Variants in ZNF430 observed in about 807,000 individuals in gnomAD.
ZNF430 encodes the protein zinc finger protein 430.
In ZNF430, 35 loss-of-function variants were observed where a neutral mutation model predicts 56.7. The ratio of observed to expected loss-of-function variants is 0.62; its 90% CI spans 0.47 to 0.82. The LOEUF is 0.82. ZNF430 is among the 40% of genes least tolerant of loss of function. ZNF430 has a pLI of 0.00. For synonymous variants in ZNF430, 212 were observed against 224.3 expected (o/e 0.94, Z 0.49); for missense variants, 574 against 661.0 (o/e 0.87, Z 1.44).
At position 21,034,118 on chromosome 19, in the gene ZNF430, A is replaced by C; in HGVS notation, c.256A>C (p.Thr86Pro). ...TGCTGTTTCTAAGCCAGACCTGATCACCTGTCTAGAGCAAGGAAAAGAGCC... is the reference window on the plus strand; with the variant it reads ...TGCTGTTTCTAAGCCAGACCTGATCCCCTGTCTAGAGCAAGGAAAAGAGCC... ...GIAVSKPDLI[T>P]CLEQGKEPWN... The change falls in exon 4 of 5, where the codon ACC (threonine) becomes CCC (proline). Residue 86 changes from threonine to proline, a missense_variant. Thr to Pro is a conservative substitution (Grantham distance 38). Around this residue, in one of 3 missense-constraint regions of ZNF430, gnomAD observed 346 missense variants for 399.1 expected, o/e 0.87. Coordinates refer to ENST00000261560, the MANE Select transcript of ZNF430 (RefSeq NM_025189.4). The C allele has an allele frequency of 1.2e-6, 2 of 1,613,244 alleles. No individual in the cohort carries two copies. Among genetic ancestry groups the C allele is most frequent in the Non-Finnish European group, 1.7e-6 (2 of 1,179,736 alleles).
rs1452861711 is a variant in ZNF430, at chr19:21,022,774, T to A, written c.4-15T>A. 1 of 1,570,274 alleles carries A rather than the reference T, an allele frequency of 6.4e-7. No individual in the cohort carries two copies. The highest frequency in any genetic ancestry group is 1.1e-5 in the South Asian group (1 of 90,174). On this transcript the variant is annotated splice_polypyrimidine_tract_variant and intron_variant, in intron 1 of 4. Coordinates refer to ENST00000261560, the MANE Select transcript of ZNF430 (RefSeq NM_025189.4). ...GTCTAGTGGATATCAGCTTCTGGGT[T>A]ATTTTCTCCCATAGGAGAACCTGAA...
chr19:21,023,170 G>T (rs187155566), intron 2 of ZNF430, among the ~76,000 whole-genome samples: 1 of 152,166 alleles, frequency 6.6e-6, no homozygotes, highest in Non-Finnish European at 1.5e-5. Context: ...TTAAATGCCC[G>T]TGGGACAGTC....
At chr19:21,048,883 G>C (rs1968231489) in intron 4 of ZNF430, among the ~76,000 whole-genome samples, 1 of 151,972 alleles carries the variant, frequency 6.6e-6, no homozygotes, top group South Asian at 2.1e-4. Context: ...TCCCAGATGG[G>C]GCATAAAATA....
At chr19:21,052,450 G>A (rs1968298874) in intron 4 of ZNF430, among the ~76,000 whole-genome samples, 1 of 151,834 alleles carries the variant, frequency 6.6e-6, no homozygotes, top group Non-Finnish European at 1.5e-5. Context: ...CTGTCTAAGT[G>A]TTTTTTCCAT....
chr19:21,022,942 C>A, intron 2 of ZNF430, 61 bp downstream of exon 2: 1 of 1,214,878 alleles, frequency 8.2e-7, no homozygotes, highest in Non-Finnish European at 1.2e-6. Flanking sequence ...CTTGGAGACA[C>A]ATTGCTGGTC....
rs747809260 is a variant in ZNF430 at position 21,026,827 on chromosome 19, C to CTTTTTTTTTTTTTT, written c.96+3956_96+3969dup. 8.1e-4 allele frequency among the ~76,000 whole-genome samples: 56 copies of CTTTTTTTTTTTTTT among 68,728 alleles called. 8 individuals are homozygous for CTTTTTTTTTTTTTT. Among genetic ancestry groups the CTTTTTTTTTTTTTT allele is most frequent in the Non-Finnish European group, 1.1e-3 (42 of 39,472 alleles). 45.1% of individuals were successfully genotyped at this position (68,728 alleles called of 152,430 possible). On this transcript the variant is annotated intron_variant, in intron 2 of 4. Transcript: ENST00000261560. ...TTGGATGCCTTTTTTCTTTTCTTTT[C>CTTTTTTTTTTTTTT]TTTTTTTTTTTTTTTTTTTTTTTGA...
chr19:21,039,956 C>T (rs1416278311), intron 4 of ZNF430, among the ~76,000 whole-genome samples: 2 of 152,096 alleles, frequency 1.3e-5, no homozygotes, highest in Non-Finnish European at 2.9e-5. Context: ...ATCTTTTCTT[C>T]CTCCTAAGTA....
At chr19:21,038,667 G>T (rs958312602) in intron 4 of ZNF430, among the ~76,000 whole-genome samples, 2 of 152,082 alleles carry the variant, frequency 1.3e-5, no homozygotes, top group African/African-American at 4.8e-5. Flanking sequence ...GAGCTCAGGT[G>T]ATCCCCCACC....
At chr19:21,040,173 A>G (rs760718923) in intron 4 of ZNF430, among the ~76,000 whole-genome samples, 25 of 152,238 alleles carry the variant, frequency 1.6e-4, no homozygotes, top group Non-Finnish European at 3.7e-4. Flanking sequence ...GTGTCCTAAC[A>G]GAATATATCA....
Position 21,039,553 on chromosome 19 carries a change from G to A in ZNF430, c.322+5369G>A, listed in dbSNP as rs188895961. The stretch of plus-strand genomic sequence containing the variant: ...GTGATCTTGGCTCACTGCAAACTCC[G>A]CCTCACAGGTTCAAGCAATACTCCC... On this transcript the variant is annotated intron_variant, in intron 4 of 4. Transcript: ENST00000261560. 2.3e-3 allele frequency among the ~76,000 whole-genome samples: 353 copies of A among 151,302 alleles called. 1 individual carries two copies. Among genetic ancestry groups the A allele is most frequent in the African/African-American group, 7.4e-3 (303 of 41,222 alleles).
chr19:21,049,021 C>T (rs1441141706), intron 4 of ZNF430, among the ~76,000 whole-genome samples: 1 of 151,828 alleles, frequency 6.6e-6, no homozygotes, highest in Non-Finnish European at 1.5e-5. Context: ...CATGGTGAAA[C>T]TGTCTCTACT....
rs1968387817 is a variant in ZNF430 at position 21,056,882 on chromosome 19, C to G, written c.574C>G (p.Pro192Ala). Reference protein sequence around the residue: ...YVNVFYKFSNPNIQKIRHTGK... With the variant: ...YVNVFYKFSNANIQKIRHTGK... The stretch of plus-strand genomic sequence containing the variant: ...GAATGTCTTTTATAAATTTTCAAAT[C>G]CAAATATACAAAAGATAAGACATAC... Residue 192 changes from proline to alanine, a missense_variant, in exon 5 of 5, where the codon CCA (proline) becomes GCA (alanine). Physicochemically the swap from Pro to Ala is conservative, Grantham distance 27. Coordinates refer to ENST00000261560, the MANE Select transcript of ZNF430 (RefSeq NM_025189.4). 3.7e-6 allele frequency: 6 copies of G among 1,608,922 alleles called. No individual in the cohort carries two copies. Among genetic ancestry groups the G allele is most frequent in the Non-Finnish European group, 5.1e-6 (6 of 1,177,964 alleles).
intron 2 of ZNF430, chr19:21,026,042 T>C: frequency 2.9e-6 from 1 of 345,706 alleles, no homozygotes; most frequent in Non-Finnish European, 5.5e-6. Flanking sequence ...CACTCCTGGA[T>C]CTAATTTTTG....
chr19:21,036,926 A>G (rs952119154), intron 4 of ZNF430: 35 of 152,082 alleles, frequency 2.3e-4, no homozygotes, highest in Admixed American at 2.2e-3. Context: ...CCCATTAAAT[A>G]ACAGCAACCC....
chr19:21,026,067 A>G lies in ZNF430; in HGVS notation c.96+3186A>G, dbSNP rs916681181. The G allele has an allele frequency of 3.8e-5, 11 of 292,990 alleles. No individual in the cohort carries two copies. The Admixed American group carries it at 4.5e-4, about 12-fold the overall frequency. The allele number at this position is 292,990 out of a possible 1,614,324, so 18.1% of individuals were successfully genotyped here. A position where few individuals can be genotyped will look rare whatever the true frequency, so the allele number is the denominator to read the frequency against. ...TCTAATTTTTGTATTTTTAGTAGAG[A>G]CGGGGTTTCACCATGTTGACCAGGA... On this transcript the variant is annotated intron_variant, in intron 2 of 4. Coordinates refer to ENST00000261560, the MANE Select transcript of ZNF430 (RefSeq NM_025189.4).
chr19:21,025,196 A>T (rs1237296022), intron 2 of ZNF430, among the ~76,000 whole-genome samples: 1 of 152,176 alleles, frequency 6.6e-6, no homozygotes, highest in African/African-American at 2.4e-5. Flanking sequence ...CTGGTTGCCC[A>T]TTTTTATGGT....
At chr19:21,044,556 A>G (rs1264867417) in intron 4 of ZNF430, among the ~76,000 whole-genome samples, 1 of 152,046 alleles carries the variant, frequency 6.6e-6, no homozygotes, top group African/African-American at 2.4e-5. Flanking sequence ...TTGTTGTTAT[A>G]TCTTTGCCAG....
Position 21,057,988 on chromosome 19 carries a change from TA to T in ZNF430, c.1682del (p.Asn561IlefsTer21). Reference protein sequence around the residue: ...NQSSNLIEQSNSYWRETLQM With the variant: ...NQSSNLIEQSXSYWRETLQM ...AGTCCTCAAACCTTATTGAACAAAG[TA>T]ATTCATACTGGAGAGAAACCCTACA... On this transcript the variant is annotated frameshift_variant, in exon 5 of 5. Transcript: ENST00000261560. LOFTEE classifies it high-confidence loss of function. 6.2e-7 allele frequency: 1 copy of T among 1,612,452 alleles called. No individual in the cohort carries two copies. Among genetic ancestry groups the T allele is most frequent in the Non-Finnish European group, 8.5e-7 (1 of 1,179,438 alleles).
At position 21,020,812 on chromosome 19, in the gene ZNF430, GC is replaced by G. The variant is rs756880035; in HGVS notation, c.3+11del. On this transcript the variant is annotated intron_variant, in intron 1 of 4. Transcript: ENST00000261560. ...CTGGAAGCCTAGAAATGGTGAGAGT[GC>G]CGGGTCCGACATCCCCAGAGAGGGG... 4.4e-5 allele frequency: 71 copies of G among 1,613,720 alleles called. 1 individual carries two copies. The South Asian group carries it at 7.6e-4, about 17-fold the overall frequency.
Sources: allele counts gnomAD v4.1 joint callset (sites outside exome capture counted in the v4.1 genomes callset), GRCh38; gene constraint gnomAD v4.1.1; regional missense constraint gnomAD v4.1.1; transcripts MANE v1.5; gene names NCBI Gene and HGNC (gene_info 2026-07-23, HGNC 2026-07-21).